The following AATK variants were observed in gnomAD, a reference collection of about 807,000 sequenced individuals.
AATK encodes serine/threonine-protein kinase LMTK1.
AATK carries 91 observed loss-of-function variants against 114.3 expected under a neutral mutation model. The observed-to-expected ratio is 0.80, with a 90% CI of 0.67 to 0.95. The LOEUF (loss-of-function observed/expected upper bound fraction) is 0.95, where lower values mean the gene tolerates loss of function less well. Among genes scored for constraint, AATK ranks in the 40% least tolerant of loss-of-function variants. The pLI is 0.00. For missense variants in AATK, 2,176 were observed against 1,965.2 expected (o/e 1.11, Z -2.03); for synonymous variants, 1,075 against 916.5 (o/e 1.17, Z -3.12).
At position 81,132,734 on chromosome 17, in the gene AATK, C is replaced by T. The variant is rs754135983; in HGVS notation, c.190-1529G>A. The T allele has an allele frequency of 5.8e-5, 16 of 273,968 alleles. No homozygotes were observed. The East Asian group carries it at 1.9e-3, about 32-fold the overall frequency. The allele number at this position is 273,968 out of a possible 1,614,324, so 17.0% of individuals were successfully genotyped here. On this transcript the variant is annotated intron_variant, in intron 2 of 13. Coordinates refer to ENST00000326724, the MANE Select transcript of AATK (RefSeq NM_001080395.3). ...ACAGGGTCAGCATTGGGGGCCTGCC[C>T]AGCCCCTTCCCTCAGCACAGCTCCC...
At position 81,128,834 on chromosome 17, in the gene AATK, G is replaced by A. The variant is rs1598925603; in HGVS notation, c.335-285C>T. 2.8e-5 allele frequency: 34 copies of A among 1,227,532 alleles called. No homozygotes were observed. In the East Asian group the frequency reaches 1.4e-3, roughly 50 times the overall value. 76.0% of individuals were successfully genotyped at this position (1,227,532 alleles called of 1,614,324 possible). Reference sequence around the variant, plus strand: ...CACTGGGATAGCCCGGCCAGGGACAGCAGGGCCCGGAGCTCGACCCGTCAC... The same window carrying A: ...CACTGGGATAGCCCGGCCAGGGACAACAGGGCCCGGAGCTCGACCCGTCAC... On this transcript the variant is annotated intron_variant, in intron 3 of 13. Coordinates refer to ENST00000326724, the MANE Select transcript of AATK (RefSeq NM_001080395.3).
intron 1 of AATK, among the ~76,000 whole-genome samples, chr17:81,153,649 G>A (rs2061325208): frequency 1.3e-5 from 2 of 152,134 alleles, no homozygotes; most frequent in Admixed American, 6.5e-5. Flanking sequence ...CACTATTTCC[G>A]CCAAATCTGC....
intron 13 of AATK, among the ~76,000 whole-genome samples, 196 bp downstream of exon 13, chr17:81,119,177 GTGAGGGT>G (rs2060635357): frequency 7.4e-6 from 1 of 134,240 alleles, no homozygotes; most frequent in Non-Finnish European, 1.7e-5. Flanking sequence ...TGAGGGTCAG[GTGAGGGT>G]CAGGTGAGGG....
chr17:81,134,424 C>T lies in AATK; in HGVS notation c.133G>A (p.Val45Ile), dbSNP rs201194092. Residue 45 changes from valine (V) to isoleucine (I), a missense_variant, in exon 2 of 14, where the codon GTC (valine) becomes ATC (isoleucine). By Grantham distance (29) the Val-to-Ile change is conservative (BLOSUM62 3). Coordinates refer to ENST00000326724, the MANE Select transcript of AATK (RefSeq NM_001080395.3). ...AGGCAGGCCAGCATGAGGACGATGA[C>T]GGCGAAGAGCCCGGAGAAAGACACA... The part of the protein sequence containing the change: ...VAVSFSGLFA[V>I]IVLMLACLCC... The T allele has an allele frequency of 4.5e-5, 73 of 1,613,232 alleles. No individual in the cohort carries two copies. Among genetic ancestry groups the T allele is most frequent in the East Asian group, 4.2e-4 (19 of 44,868 alleles).
chr17:81,151,913 C>G (rs1419379345), intron 1 of AATK, among the ~76,000 whole-genome samples: 3 of 152,108 alleles, frequency 2.0e-5, no homozygotes. Flanking sequence ...TACAAATCTC[C>G]CCACCAAATT....
At chr17:81,165,597 C>T (rs941602309) in intron 1 of AATK, 2 of 1,367,998 alleles carry the variant, frequency 1.5e-6, no homozygotes, top group Non-Finnish European at 1.9e-6. Context: ...CTGGCTGACA[C>T]CCCCCACACC....
chr17:81,135,373 C>G (rs1020115648), intron 1 of AATK, among the ~76,000 whole-genome samples: 4 of 152,272 alleles, frequency 2.6e-5, no homozygotes, highest in African/African-American at 9.6e-5. Flanking sequence ...GGCTCTATCC[C>G]CTGGGCCTGC....
rs548838374 is a variant in AATK, at chr17:81,163,497, A to G, written c.55+2441T>C. Among the ~76,000 whole-genome samples, 6 of 152,284 alleles carry G rather than the reference A, an allele frequency of 3.9e-5. No homozygotes were observed. The South Asian group carries it at 1.2e-3, about 32-fold the overall frequency. On this transcript the variant is annotated intron_variant, in intron 1 of 13. Transcript: ENST00000326724. ...CACATGTGCAGAACGGATCTCAGAG[A>G]GGCTGGGTGAGTAGTCCGAGGCCAC... is the stretch of plus-strand genomic sequence containing the variant.
chr17:81,162,027 G>A lies in AATK; in HGVS notation c.55+3911C>T, dbSNP rs534933047. On this transcript the variant is annotated intron_variant, in intron 1 of 13. Coordinates refer to ENST00000326724, the MANE Select transcript of AATK (RefSeq NM_001080395.3). ...CCTCCTGGAGAATGTGCCGGAATGA[G>A]AGAAATGTTCTCCCTGACCCATGCC... Among the ~76,000 whole-genome samples the A allele has an allele frequency of 2.6e-5, 4 of 152,290 alleles. No homozygotes were observed. The East Asian group carries it at 7.7e-4, about 29-fold the overall frequency.
At chr17:81,137,872 A>C (rs1185759466) in intron 1 of AATK, among the ~76,000 whole-genome samples, 1 of 151,778 alleles carries the variant, frequency 6.6e-6, no homozygotes, top group Admixed American at 6.6e-5. Flanking sequence ...GTGCACACCC[A>C]TACCCGCACA....
chr17:81,148,276 C>T (rs540036604), intron 1 of AATK, among the ~76,000 whole-genome samples: 9 of 152,210 alleles, frequency 5.9e-5, no homozygotes, highest in African/African-American at 4.8e-5. Flanking sequence ...GCTGCCCTTA[C>T]AGAGCCGCGC....
chr17:81,123,414 G>A (rs2060727655), intron 9 of AATK, 71 bp from the exon 10 acceptor site: 2 of 1,280,844 alleles, frequency 1.6e-6, no homozygotes, highest in Admixed American at 4.0e-5. Flanking sequence ...GGATCCCCGG[G>A]GCGCCGAATG....
chr17:81,132,305 G>A (rs942028333), intron 2 of AATK, among the ~76,000 whole-genome samples: 2 of 152,230 alleles, frequency 1.3e-5, no homozygotes, highest in Non-Finnish European at 2.9e-5. Context: ...GTGAGTCCGA[G>A]GACAGGCAGG....
At position 81,166,060 on chromosome 17, in the gene AATK, G is replaced by A; in HGVS notation, c.-68C>T. On this transcript the variant is annotated 5_prime_UTR_variant, in exon 1 of 14. Coordinates refer to ENST00000326724, the MANE Select transcript of AATK (RefSeq NM_001080395.3). ...CTCAGGACGCCCGCGGCCCCGGCCC[G>A]AGCCGCCGCATCACCCAGCGGCCGC... The A allele has an allele frequency of 4.3e-6, 5 of 1,161,832 alleles. No individual in the cohort carries two copies. The highest frequency in any genetic ancestry group is 1.7e-5 in the African/African-American group (1 of 60,330). 72.0% of individuals were successfully genotyped at this position (1,161,832 alleles called of 1,614,324 possible).
intron 2 of AATK, chr17:81,132,641 G>C: frequency 3.4e-6 from 1 of 291,910 alleles, no homozygotes; most frequent in Non-Finnish European, 7.1e-6. Flanking sequence ...GTCGGGCCCG[G>C]GCTCCAGGCA....
At chr17:81,132,060 T>C (rs1193459431) in intron 2 of AATK, 5 of 1,280,808 alleles carry the variant, frequency 3.9e-6, no homozygotes, top group Non-Finnish European at 1.0e-6. Flanking sequence ...TGCACCTGTA[T>C]AGGGGATACC....
rs1427349495 is a variant in AATK at position 81,118,412 on chromosome 17, T to C, written c.4115A>G (p.Lys1372Arg). 10 of 1,608,350 alleles carry C rather than the reference T, an allele frequency of 6.2e-6. No individual in the cohort carries two copies. Among genetic ancestry groups the C allele is most frequent in the South Asian group, 3.3e-5 (3 of 89,926 alleles). Reference protein sequence around the residue: ...GPEAGAGGESKEA With the variant: ...GPEAGAGGESREA ...GGAGCTGCCCAGGTCTCAAGCCTCTTTACTCTCACCCCCGGCACCAGCTTC... is the reference window on the plus strand; with the variant it reads ...GGAGCTGCCCAGGTCTCAAGCCTCTCTACTCTCACCCCCGGCACCAGCTTC... The change falls in exon 14 of 14, where the codon AAA becomes AGA. Residue 1372 changes from lysine (K) to arginine (R), a missense_variant. By Grantham distance (26) the Lys-to-Arg change is conservative. This residue lies in a region of AATK where 1,701 missense variants were observed against 1,394.7 expected (regional missense o/e 1.22). Transcript: ENST00000326724.
At chr17:81,164,815 GC>G (rs1490194275) in intron 1 of AATK, among the ~76,000 whole-genome samples, 1 of 152,154 alleles carries the variant, frequency 6.6e-6, no homozygotes, top group Non-Finnish European at 1.5e-5. Flanking sequence ...GGACTTCCGA[GC>G]CCCAGGGGTC....
At chr17:81,119,638 C>G (rs896796851) in intron 12 of AATK, 58 bp from the exon 13 acceptor site, 10 of 1,329,514 alleles carry the variant, frequency 7.5e-6, no homozygotes, top group Admixed American at 2.4e-5. Context: ...GGCCCGGCCC[C>G]GCTCCCACAG....
Sources: gnomAD v4.1 joint callset for allele counts (sites outside exome capture counted in the v4.1 genomes callset) on GRCh38, gnomAD v4.1.1 for gene constraint, gnomAD v4.1.1 regional missense constraint, MANE v1.5 for transcripts, NCBI Gene and HGNC (gene_info 2026-07-23, HGNC 2026-07-21) for gene names.